The following TOPBP1 variants were observed in gnomAD, a reference collection of about 807,000 sequenced individuals.
The protein encoded by TOPBP1 is DNA topoisomerase 2-binding protein 1.
Under a neutral mutation model 167.7 loss-of-function variants are expected in TOPBP1, and 28 were observed. The observed-to-expected ratio is 0.17, with a 90% CI of 0.12 to 0.23. The LOEUF is 0.23. Among genes scored for constraint, TOPBP1 ranks in the 10% least tolerant of loss-of-function variants. TOPBP1 has a pLI of 1.00. For missense variants in TOPBP1, 1,554 were observed against 1,809.6 expected (o/e 0.86, Z 2.56); for synonymous variants, 598 against 611.4 (o/e 0.98, Z 0.32).
At chr3:133,653,311 T>C in intron 7 of TOPBP1, 34 bp downstream of exon 7, 1 of 1,520,140 alleles carries the variant, frequency 6.6e-7, no homozygotes. Flanking sequence ...ATGACTGTCT[T>C]CAGAATAATT....
At chr3:133,620,705 C>G (rs1174032971) in intron 19 of TOPBP1, among the ~76,000 whole-genome samples, 1 of 151,576 alleles carries the variant, frequency 6.6e-6, no homozygotes, top group Non-Finnish European at 1.5e-5. Context: ...TCTCAAGTAG[C>G]TGGGATTACA....
Position 133,628,747 on chromosome 3 carries a change from GGAGAGAGAGAGATGGAGAAAAGAA to G in TOPBP1, c.2521-38_2521-15del. 1 of 1,544,810 alleles carries G rather than the reference GGAGAGAGAGAGATGGAGAAAAGAA, an allele frequency of 6.5e-7. No individual in the cohort carries two copies. Among genetic ancestry groups the G allele is most frequent in the African/African-American group, 1.4e-5 (1 of 72,822 alleles). ...TGCAAGTGCATCCTATACATATGAAGGAGAGAGAGAGATGGAGAAAAGAAGAGAGAGAGAGAGAAGCAAGATGGG... is the reference window on the plus strand; with the variant it reads ...TGCAAGTGCATCCTATACATATGAAGGAGAGAGAGAGAGAAGCAAGATGGG... On this transcript the variant is annotated splice_polypyrimidine_tract_variant and intron_variant, in intron 14 of 27. Transcript: ENST00000260810.
intron 1 of TOPBP1, 40 bp from the exon 2 acceptor site, chr3:133,661,174 A>G (rs758306194): frequency 2.3e-5 from 33 of 1,459,076 alleles, no homozygotes; most frequent in Non-Finnish European, 2.9e-5. Context: ...ACAAAACCAC[A>G]TTAGATAAAA....
intron 3 of TOPBP1, among the ~76,000 whole-genome samples, chr3:133,658,759 C>A (rs2107838585): frequency 6.6e-6 from 1 of 152,130 alleles, no homozygotes; most frequent in East Asian, 1.9e-4. Context: ...GTGGGCTGAG[C>A]TTGTGCCACT....
Position 133,639,998 on chromosome 3 carries a change from C to T in TOPBP1, c.2194G>A (p.Asp732Asn). ...TTTTCAATCAGAAAATGGCTTTCGT[C>T]TGCTCTCTTTCCCGTTCTAGCAGTC... Reference protein sequence around the residue: ...LETARTGKRADESHFLIENST... With the variant: ...LETARTGKRANESHFLIENST... The change falls in exon 13 of 28, where the codon GAC becomes AAC. Residue 732 changes from aspartate to asparagine, a missense_variant. Around this residue, in one of 3 missense-constraint regions of TOPBP1, gnomAD observed 1,197 missense variants for 1,351.5 expected, o/e 0.89. Coordinates refer to ENST00000260810, the MANE Select transcript of TOPBP1 (RefSeq NM_007027.4). The T allele has an allele frequency of 6.2e-7, 1 of 1,613,862 alleles. No homozygotes were observed. The highest frequency in any genetic ancestry group is 1.3e-5 in the African/African-American group (1 of 75,032).
At chr3:133,615,406 G>A (rs1366583676) in intron 23 of TOPBP1, among the ~76,000 whole-genome samples, 1 of 152,196 alleles carries the variant, frequency 6.6e-6, no homozygotes, top group Non-Finnish European at 1.5e-5. Flanking sequence ...GAGCCCAGGA[G>A]GCAGAGGTTG....
In TOPBP1 at chr3:133,601,228, G is replaced by T; in HGVS notation, c.*22C>A. The T allele has an allele frequency of 6.4e-7, 1 of 1,569,518 alleles. No homozygotes were observed. The highest frequency in any genetic ancestry group is 1.2e-5 in the South Asian group (1 of 82,468). On this transcript the variant is annotated 3_prime_UTR_variant, in exon 28 of 28. Coordinates refer to ENST00000260810, the MANE Select transcript of TOPBP1 (RefSeq NM_007027.4). ...CAATTTTTAAAAACATTTAATGTTT[G>T]GTAACTAAAGGGTAGATGCGATTAG...
intron 24 of TOPBP1, 66 bp downstream of exon 24, chr3:133,612,323 A>T: frequency 6.3e-7 from 1 of 1,581,518 alleles, no homozygotes; most frequent in Non-Finnish European, 8.6e-7. Flanking sequence ...AACAGGTGTG[A>T]GCCACTGCAC....
chr3:133,644,760 A>G lies in TOPBP1; in HGVS notation c.1505-397T>C, dbSNP rs185087209. 2.6e-5 allele frequency among the ~76,000 whole-genome samples: 4 copies of G among 152,346 alleles called. No homozygotes were observed. In the East Asian group the frequency reaches 7.7e-4, roughly 29 times the overall value. ...TATAACTGTCAAGTCCTTAACATGG[A>G]ACATGTTAACATGGAAATAACTATA... On this transcript the variant is annotated intron_variant, in intron 10 of 27. Transcript: ENST00000260810.
rs111596089 is a variant in TOPBP1, at chr3:133,637,866, T to C, written c.2520+10A>G. On this transcript the variant is annotated intron_variant, in intron 14 of 27. Coordinates refer to ENST00000260810, the MANE Select transcript of TOPBP1 (RefSeq NM_007027.4). ...CTGTTAACTCTGGGACCACTGCCTA[T>C]AAACCTTACCTTCACATCAAAGGAA... 94 of 1,613,008 alleles carry C rather than the reference T, an allele frequency of 5.8e-5. 1 individual carries two copies. In the African/African-American group the frequency reaches 9.1e-4, roughly 16 times the overall value.
chr3:133,649,696 A>T (rs1266872459), intron 9 of TOPBP1, 63 bp from the exon 10 acceptor site: 2 of 1,595,596 alleles, frequency 1.3e-6, no homozygotes, highest in Non-Finnish European at 1.7e-6. Context: ...CCCACTTGTC[A>T]TGCAGTTTCC....
intron 4 of TOPBP1, 148 bp from the exon 5 acceptor site, chr3:133,657,005 AT>A: frequency 1.5e-6 from 1 of 669,826 alleles, no homozygotes; most frequent in Non-Finnish European, 2.2e-6. Flanking sequence ...TAACCAAATT[AT>A]TTTTTGGGAG....
At chr3:133,644,783 A>G (rs757144622) in intron 10 of TOPBP1, among the ~76,000 whole-genome samples, 23 of 152,262 alleles carry the variant, frequency 1.5e-4, no homozygotes, top group Admixed American at 3.9e-4. Flanking sequence ...GGAAATAACT[A>G]TAAGGAAGTG....
intron 17 of TOPBP1, 114 bp from the exon 18 acceptor site, chr3:133,623,571 C>T: frequency 1.6e-6 from 2 of 1,233,904 alleles, no homozygotes; most frequent in Non-Finnish European, 1.1e-6. Flanking sequence ...AAAAAGTTCA[C>T]AAAACTGGTT....
chr3:133,619,485 T>C (rs1935013142), intron 20 of TOPBP1, among the ~76,000 whole-genome samples: 1 of 152,184 alleles, frequency 6.6e-6, no homozygotes, highest in Non-Finnish European at 1.5e-5. Flanking sequence ...AAAGATGAAG[T>C]TATGCAACTG....
intron 3 of TOPBP1, 151 bp downstream of exon 3, chr3:133,658,865 G>A: frequency 1.3e-6 from 1 of 772,442 alleles, no homozygotes; most frequent in Non-Finnish European, 1.9e-6. Flanking sequence ...AACATAATTA[G>A]CCTTTCAATC....
Position 133,608,677 on chromosome 3 carries a change from A to T in TOPBP1, c.4283T>A (p.Val1428Glu), listed in dbSNP as rs1559805718. 6.2e-7 allele frequency: 1 copy of T among 1,613,522 alleles called. No individual in the cohort carries two copies. Residue 1428 changes from valine (V) to glutamate (E), a missense_variant, in exon 27 of 28, where the codon GTA becomes GAA. Val to Glu is a moderately radical substitution (Grantham distance 121). Around this residue, in one of 3 missense-constraint regions of TOPBP1, gnomAD observed 351 missense variants for 432.9 expected, o/e 0.81. Transcript: ENST00000260810. Reference protein sequence around the residue: ...GGAKVLPGHSVPLFKEATHLF... With the variant: ...GGAKVLPGHSEPLFKEATHLF... ...ATGTGTGGCCTCTTTAAATAAAGGT[A>T]CAGAATGACCAGGTAGCACCTAATG...
rs1024544343 is a variant in TOPBP1, at chr3:133,623,031, C to T, written c.3178+60G>A. 3.9e-6 allele frequency: 4 copies of T among 1,038,582 alleles called. No homozygotes were observed. In the African/African-American group the frequency reaches 4.9e-5, roughly 13 times the overall value. 64.3% of individuals were successfully genotyped at this position (1,038,582 alleles called of 1,614,324 possible). Reference sequence around the variant, plus strand: ...GCAAGATGACAAGACCCCATCTCCACAAAAAATTGAGACCTTGTCTCAAAA... The same window carrying T: ...GCAAGATGACAAGACCCCATCTCCATAAAAAATTGAGACCTTGTCTCAAAA... On this transcript the variant is annotated intron_variant, in intron 19 of 27. Transcript: ENST00000260810.
At chr3:133,605,495 T>G (rs1934461389) in intron 27 of TOPBP1, among the ~76,000 whole-genome samples, 1 of 117,150 alleles carries the variant, frequency 8.5e-6, no homozygotes, top group Non-Finnish European at 1.8e-5. Context: ...GAAAATGTAA[T>G]TCCCCATAGT....
Sources: gnomAD v4.1 joint callset for allele counts (sites outside exome capture counted in the v4.1 genomes callset) on GRCh38, gnomAD v4.1.1 for gene constraint, gnomAD v4.1.1 regional missense constraint, MANE v1.5 for transcripts, NCBI Gene and HGNC (gene_info 2026-07-23, HGNC 2026-07-21) for gene names.